MDGA2: variants seen among roughly 807,000 people sequenced by gnomAD.
MDGA2 encodes MAM domain containing glycosylphosphatidylinositol anchor 2.
A neutral mutation model predicts 117.8 loss-of-function variants in MDGA2; 40 were observed. The observed-to-expected ratio is 0.34, with a 90% CI of 0.26 to 0.44. The LOEUF (loss-of-function observed/expected upper bound fraction) is 0.44. Ranked by LOEUF, MDGA2 falls within the 20% of genes least tolerant of loss-of-function variation. The probability of loss-of-function intolerance (pLI) is 1.00; values close to 1 mark genes in which losing one functional copy is unlikely to be tolerated. For synonymous variants in MDGA2, 452 were observed against 439.0 expected (o/e 1.03, Z -0.37); for missense variants, 1,123 against 1,250.6 (o/e 0.90, Z 1.54).
chr14:47,279,359 G>A (rs540125445), intron 2 of MDGA2, among the ~76,000 whole-genome samples: 1 of 152,250 alleles, frequency 6.6e-6, no homozygotes, highest in South Asian at 2.1e-4. Context: ...AGACACTTGA[G>A]TGTGTGTATT....
Position 47,443,803 on chromosome 14 carries a change from G to C in MDGA2, c.281-142253C>G, listed in dbSNP as rs757827532. On this transcript the variant is annotated intron_variant, in intron 1 of 16. Transcript: ENST00000399232. ...GTCCCTAAAGAGGGAGGTCTCAGGT[G>C]AATGTTGGAATTTCGGCATCCATAA... 3.3e-5 allele frequency among the ~76,000 whole-genome samples: 5 copies of C among 152,136 alleles called. No homozygotes were observed. In the South Asian group the frequency reaches 1.0e-3, roughly 31 times the overall value.
intron 1 of MDGA2, among the ~76,000 whole-genome samples, chr14:47,610,663 A>C (rs989609017): frequency 6.6e-6 from 1 of 151,874 alleles, no homozygotes; most frequent in Non-Finnish European, 1.5e-5. Context: ...ACTATAAAAC[A>C]CTCCTGAAAG....
chr14:47,652,504 C>T (rs1026583904), intron 1 of MDGA2, among the ~76,000 whole-genome samples: 1 of 152,088 alleles, frequency 6.6e-6, no homozygotes, highest in Non-Finnish European at 1.5e-5. Context: ...TTTCCTTTAT[C>T]TGAAAATACT....
intron 1 of MDGA2, chr14:47,626,559 G>C (rs1897144701): frequency 6.6e-6 from 1 of 152,654 alleles, no homozygotes; most frequent in African/African-American, 2.4e-5. Context: ...TGCCGACGAA[G>C]AGGCGCAGGC....
intron 1 of MDGA2, among the ~76,000 whole-genome samples, chr14:47,610,230 C>T (rs1320276777): frequency 6.6e-6 from 1 of 152,026 alleles, no homozygotes; most frequent in Non-Finnish European, 1.5e-5. Context: ...TGGGGAAAAG[C>T]TGAAAGCATT....
At chr14:47,579,137 T>C (rs1896181141) in intron 1 of MDGA2, among the ~76,000 whole-genome samples, 1 of 152,082 alleles carries the variant, frequency 6.6e-6, no homozygotes, top group Non-Finnish European at 1.5e-5. Flanking sequence ...TACTAACCTC[T>C]TTTCCAAATG....
intron 1 of MDGA2, among the ~76,000 whole-genome samples, chr14:47,456,256 T>C (rs1321495410): frequency 2.0e-5 from 3 of 151,554 alleles, no homozygotes; most frequent in East Asian, 1.9e-4. Flanking sequence ...TATCCTAAAA[T>C]AGACAATTGA....
intron 2 of MDGA2, among the ~76,000 whole-genome samples, chr14:47,289,337 A>G (rs975846927): frequency 4.0e-5 from 6 of 149,024 alleles, no homozygotes; most frequent in South Asian, 4.3e-4. Flanking sequence ...ACACACACAC[A>G]CGCACACACT....
intron 8 of MDGA2, among the ~76,000 whole-genome samples, chr14:47,032,707 T>A (rs570569589): frequency 6.6e-6 from 1 of 152,236 alleles, no homozygotes; most frequent in South Asian, 2.1e-4. Flanking sequence ...CAAGATCTGC[T>A]GGCAGAGATT....
intron 5 of MDGA2, among the ~76,000 whole-genome samples, chr14:47,114,500 T>A (rs1566632525): frequency 1.3e-5 from 2 of 152,098 alleles, no homozygotes; most frequent in Non-Finnish European, 2.9e-5. Context: ...GCTGGAGGCA[T>A]CACACTACCA....
intron 1 of MDGA2, among the ~76,000 whole-genome samples, chr14:47,639,321 C>T (rs1274456801): frequency 1.3e-5 from 2 of 152,176 alleles, no homozygotes; most frequent in African/African-American, 2.4e-5. Flanking sequence ...TTCACTACCG[C>T]CTTACCATGC....
chr14:47,169,061 T>C (rs2139310688), intron 3 of MDGA2, among the ~76,000 whole-genome samples: 1 of 152,142 alleles, frequency 6.6e-6, no homozygotes, highest in South Asian at 2.1e-4. Flanking sequence ...ATTTAGTTGG[T>C]CTTTCTCAGG....
At chr14:47,354,966 C>T in intron 1 of MDGA2, among the ~76,000 whole-genome samples, 1 of 152,180 alleles carries the variant, frequency 6.6e-6, no homozygotes. Flanking sequence ...CCTTGACAGG[C>T]TGGGAAAATT....
chr14:47,607,768 A>C (rs1896768204), intron 1 of MDGA2, among the ~76,000 whole-genome samples: 1 of 152,122 alleles, frequency 6.6e-6, no homozygotes, highest in Non-Finnish European at 1.5e-5. Flanking sequence ...ATTTTATAAA[A>C]CTGGTTAATA....
At chr14:47,043,112 T>C (rs1240526757) in intron 7 of MDGA2, among the ~76,000 whole-genome samples, 2 of 152,070 alleles carry the variant, frequency 1.3e-5, no homozygotes, top group Non-Finnish European at 2.9e-5. Context: ...CCAGTATGAT[T>C]ATAACCGCGT....
intron 1 of MDGA2, among the ~76,000 whole-genome samples, chr14:47,418,199 C>A (rs890468771): frequency 4.6e-5 from 7 of 152,114 alleles, no homozygotes; most frequent in African/African-American, 1.7e-4. Context: ...GCCTCAACCT[C>A]CCGAGTTGAG....
intron 1 of MDGA2, among the ~76,000 whole-genome samples, chr14:47,617,027 G>A (rs117863572): frequency 0.034 from 5,235 of 152,154 alleles, 107 homozygotes; most frequent in Middle Eastern, 0.068. Flanking sequence ...ATGTTCTACC[G>A]GACAGCAATG....
At chr14:46,882,355 A>G (rs1372215431) in intron 10 of MDGA2, 134 bp from the exon 11 acceptor site, 7 of 694,696 alleles carry the variant, frequency 1.0e-5, no homozygotes, top group Non-Finnish European at 1.5e-5. Context: ...TTAAAGTTCA[A>G]GTTTCTATAA....
intron 8 of MDGA2, among the ~76,000 whole-genome samples, chr14:47,009,825 C>T (rs187095511): frequency 6.6e-6 from 1 of 152,168 alleles, no homozygotes; most frequent in East Asian, 1.9e-4. Flanking sequence ...GATCCCTACA[C>T]ACCCCTTGCG....
Sources: gnomAD v4.1 joint callset for allele counts (sites outside exome capture counted in the v4.1 genomes callset) on GRCh38, gnomAD v4.1.1 for gene constraint, MANE v1.5 for transcripts, NCBI Gene and HGNC (gene_info 2026-07-23, HGNC 2026-07-21) for gene names.